Variants in EPS8L2 observed in about 807,000 individuals in gnomAD.
EPS8L2 encodes EPS8 signaling adaptor L2.
EPS8L2 carries 81 observed loss-of-function variants against 99.4 expected under a neutral mutation model. The ratio of observed to expected loss-of-function variants is 0.82; its 90% confidence interval spans 0.68 to 0.98. The LOEUF (loss-of-function observed/expected upper bound fraction) is 0.98. Ranked by LOEUF, EPS8L2 falls within the 50% of genes least tolerant of loss-of-function variation. EPS8L2 has a pLI of 0.00. For missense variants in EPS8L2, 1,155 were observed against 968.8 expected (o/e 1.19, Z -2.55); for synonymous variants, 509 against 407.3 (o/e 1.25, Z -3.01).
At chr11:713,408 G>A (rs1398157801) in intron 4 of EPS8L2, among the ~76,000 whole-genome samples, 1 of 152,202 alleles carries the variant, frequency 6.6e-6, no homozygotes, top group African/African-American at 2.4e-5. Flanking sequence ...TTGAGACGGA[G>A]TCTCGCTCTG....
chr11:722,285 G>A (rs1178463419), intron 12 of EPS8L2, 116 bp from the exon 13 acceptor site: 1 of 1,535,734 alleles, frequency 6.5e-7, no homozygotes, highest in African/African-American at 1.4e-5. Context: ...TTCACGCTGT[G>A]TGGCCACTCT....
At chr11:720,988 G>GAGGGGAGGAGCCCGGCAGGGC in intron 7 of EPS8L2, 76 bp from the exon 8 acceptor site, 2 of 1,458,528 alleles carry the variant, frequency 1.4e-6, no homozygotes, top group Non-Finnish European at 1.8e-6. Flanking sequence ...GCCGGCAGGG[G>GAGGGGAGGAGCCCGGCAGGGC]AGGGGAGGAG....
At chr11:717,501 G>A (rs993492283) in intron 4 of EPS8L2, among the ~76,000 whole-genome samples, 9 of 152,192 alleles carry the variant, frequency 5.9e-5, no homozygotes, top group Non-Finnish European at 1.3e-4. Flanking sequence ...GCAGGTGCTG[G>A]ATGAGGGCAT....
rs368598389 is a variant in EPS8L2, at chr11:720,684, G to A, written c.415G>A (p.Val139Met). 6.3e-7 allele frequency: 1 copy of A among 1,598,242 alleles called. No individual in the cohort carries two copies. The highest frequency in any genetic ancestry group is 1.7e-5 in the Admixed American group (1 of 57,316). ...QLRYPSVLLL[V>M]CQDSEQSKPD... Reference sequence around the variant, plus strand: ...GCGCTACCCGTCTGTGCTGCTGCTCGTGTGCCAGGACTCGGAGCAGAGCAA... The same window carrying A: ...GCGCTACCCGTCTGTGCTGCTGCTCATGTGCCAGGACTCGGAGCAGAGCAA... Residue 139 changes from valine (V) to methionine (M), a missense_variant, in exon 6 of 21, where the codon GTG becomes ATG. By Grantham distance (21) the Val-to-Met change is conservative. Transcript: ENST00000318562.
At chr11:711,328 C>G (rs1861886079) in intron 4 of EPS8L2, among the ~76,000 whole-genome samples, 1 of 151,714 alleles carries the variant, frequency 6.6e-6, no homozygotes, top group Non-Finnish European at 1.5e-5. Flanking sequence ...CTCTCTGTCT[C>G]TCTCTTTTCT....
In EPS8L2 at chr11:721,120, C is replaced by T. The variant is rs1468683948; in HGVS notation, c.614C>T (p.Pro205Leu). 2.6e-6 allele frequency: 4 copies of T among 1,534,620 alleles called. No individual in the cohort carries two copies. The highest frequency in any genetic ancestry group is 1.2e-5 in the South Asian group (1 of 83,436). Residue 205 changes from proline (P) to leucine (L), a missense_variant, in exon 8 of 21, where the codon CCG (proline) becomes CTG (leucine). Pro to Leu is a moderately conservative substitution (Grantham distance 98). Coordinates refer to ENST00000318562, the MANE Select transcript of EPS8L2 (RefSeq NM_022772.4). ...RQSILPPPQG[P>L]APIPFQHRGG... Reference sequence around the variant, plus strand: ...TCCATCCTGCCTCCTCCCCAGGGCCCGGCGCCCATCCCCTTCCAGCACCGC... The same window carrying T: ...TCCATCCTGCCTCCTCCCCAGGGCCTGGCGCCCATCCCCTTCCAGCACCGC...
At chr11:722,059 C>T in intron 11 of EPS8L2, 32 bp from the exon 12 acceptor site, 2 of 1,611,046 alleles carry the variant, frequency 1.2e-6, no homozygotes, top group African/African-American at 1.3e-5. Flanking sequence ...CCCGCCCCGC[C>T]CCGGCACCTG....
At chr11:726,193 G>T in intron 18 of EPS8L2, 23 bp downstream of exon 18, 1 of 1,595,968 alleles carries the variant, frequency 6.3e-7, no homozygotes, top group Non-Finnish European at 8.5e-7. Flanking sequence ...GCTTCGAGGC[G>T]GGGGTCCCGG....
At chr11:716,522 G>A (rs1053439510) in intron 4 of EPS8L2, among the ~76,000 whole-genome samples, 5 of 152,180 alleles carry the variant, frequency 3.3e-5, no homozygotes, top group Admixed American at 2.6e-4. Context: ...CTCCCAAAGT[G>A]CTGGGATTAC....
chr11:712,485 C>T (rs11246284), intron 4 of EPS8L2, among the ~76,000 whole-genome samples: 11,360 of 140,736 alleles, frequency 0.081, 1,266 homozygotes, highest in African/African-American at 0.25. Context: ...TCCCGGTTGT[C>T]GTCCAAGCCT....
chr11:715,549 G>C (rs1279355564), intron 4 of EPS8L2, among the ~76,000 whole-genome samples: 1 of 151,224 alleles, frequency 6.6e-6, no homozygotes, highest in African/African-American at 2.4e-5. Context: ...AAAGTGCGTT[G>C]ACCTCCTCTT....
Position 727,092 on chromosome 11 carries a change from T to A in EPS8L2, c.*111T>A. ...TATCAAGGACACGGAGGGGGTGTGGTGCTGGCTAGAGGTCCCTGCCCCTGT... is the reference window on the plus strand; with the variant it reads ...TATCAAGGACACGGAGGGGGTGTGGAGCTGGCTAGAGGTCCCTGCCCCTGT... On this transcript the variant is annotated 3_prime_UTR_variant, in exon 21 of 21. Transcript: ENST00000318562. 1.2e-6 allele frequency: 1 copy of A among 805,736 alleles called. No individual in the cohort carries two copies. The highest frequency in any genetic ancestry group is 2.0e-6 in the Non-Finnish European group (1 of 497,978). The allele number at this position is 805,736 out of a possible 1,614,324, so 49.9% of individuals were successfully genotyped here. A position where few individuals can be genotyped will look rare whatever the true frequency, so the allele number is the denominator to read the frequency against.
At chr11:710,354 C>T (rs1449070930) in intron 3 of EPS8L2, 68 bp from the exon 4 acceptor site, 1 of 1,486,836 alleles carries the variant, frequency 6.7e-7, no homozygotes, top group Non-Finnish European at 9.4e-7. Context: ...CTTGTGGGTC[C>T]AGTCCCAACT....
intron 4 of EPS8L2, among the ~76,000 whole-genome samples, chr11:719,434 G>A (rs1002798740): frequency 6.6e-6 from 1 of 152,244 alleles, no homozygotes. Context: ...CCTGAGCCAG[G>A]CCTGGAAAGA....
intron 4 of EPS8L2, among the ~76,000 whole-genome samples, chr11:714,247 T>TC (rs370524002): frequency 5.9e-5 from 9 of 151,596 alleles, no homozygotes; most frequent in Non-Finnish European, 4.4e-5. Flanking sequence ...TTTTTTTTTT[T>TC]GAGGTGGAGC....
chr11:720,092 G>T lies in EPS8L2; in HGVS notation c.196G>T (p.Glu66Ter). The T allele has an allele frequency of 6.2e-7, 1 of 1,613,250 alleles. No individual in the cohort carries two copies. Among genetic ancestry groups the T allele is most frequent in the Non-Finnish European group, 8.5e-7 (1 of 1,179,872 alleles). Residue 66 changes from glutamate (E) to a stop codon, truncating the protein, a stop_gained, in exon 5 of 21, where the codon GAA becomes TAA. Coordinates refer to ENST00000318562, the MANE Select transcript of EPS8L2 (RefSeq NM_022772.4). LOFTEE classifies it high-confidence loss of function. ...GGCCACATTCATCATGGACAAGAGC[G>T]AAGCCATCACGTCTGTGGACGACGC... is the stretch of plus-strand genomic sequence containing the variant. ...HLATFIMDKS[E>*]AITSVDDAIR...
Position 727,062 on chromosome 11 carries a change from TTTTG to T in EPS8L2, c.*83_*86del. 1 of 1,014,798 alleles carries T rather than the reference TTTTG, an allele frequency of 9.9e-7. No homozygotes were observed. Among genetic ancestry groups the T allele is most frequent in the Non-Finnish European group, 1.5e-6 (1 of 671,698 alleles). 62.9% of individuals were successfully genotyped at this position (1,014,798 alleles called of 1,614,324 possible). On this transcript the variant is annotated 3_prime_UTR_variant, in exon 21 of 21. Transcript: ENST00000318562. Reference sequence around the variant, plus strand: ...AGTATTATTTTTATATGTGTATGTATTTTGTATCAAGGACACGGAGGGGGTGTGG... The same window carrying T: ...AGTATTATTTTTATATGTGTATGTATTATCAAGGACACGGAGGGGGTGTGG...
chr11:710,620 TGGG>T, intron 4 of EPS8L2, 134 bp downstream of exon 4: 1 of 897,336 alleles, frequency 1.1e-6, no homozygotes, highest in Non-Finnish European at 1.8e-6. Context: ...GCCCTGCTAC[TGGG>T]GAGGCTGAGG....
rs1477710931 is a variant in EPS8L2, at chr11:721,556, T to G, written c.769-9T>G. 3 of 1,549,700 alleles carry G rather than the reference T, an allele frequency of 1.9e-6. No homozygotes were observed. Among genetic ancestry groups the G allele is most frequent in the East Asian group, 4.5e-5 (2 of 44,298 alleles). ...TCAGGGGCTGACCCCTGACCCCCTC[T>G]GACCCCAGCAAATCCTCAACTGCGC... On this transcript the variant is annotated splice_polypyrimidine_tract_variant and intron_variant, in intron 9 of 20. Transcript: ENST00000318562.
Sources: allele counts gnomAD v4.1 joint callset (sites outside exome capture counted in the v4.1 genomes callset), GRCh38; gene constraint gnomAD v4.1.1; transcripts MANE v1.5; gene names NCBI Gene and HGNC (gene_info 2026-07-23, HGNC 2026-07-21).